Variants in LIMCH1 observed in about 807,000 individuals in gnomAD.
LIMCH1 encodes the protein LIM and calponin homology domains-containing protein 1.
LIMCH1 carries 113 observed loss-of-function variants against 176.5 expected under a neutral mutation model. That is an observed-to-expected ratio of 0.64 (90% CI 0.55 to 0.75). LIMCH1 has a LOEUF of 0.75. Among genes scored for constraint, LIMCH1 ranks in the 30% least tolerant of loss-of-function variants. The probability of loss-of-function intolerance (pLI) is 0.00; values close to 1 mark genes in which losing one functional copy is unlikely to be tolerated. For synonymous variants in LIMCH1, 619 were observed against 645.9 expected (o/e 0.96, Z 0.63); for missense variants, 1,674 against 1,814.9 (o/e 0.92, Z 1.41).
intron 1 of LIMCH1, among the ~76,000 whole-genome samples, chr4:41,432,756 G>A (rs189662376): frequency 2.6e-5 from 4 of 152,208 alleles, no homozygotes; most frequent in Non-Finnish European, 1.5e-5. Flanking sequence ...CAATGGCAAC[G>A]ATCCTTCCTG....
chr4:41,440,556 A>G (rs767302384), intron 1 of LIMCH1, among the ~76,000 whole-genome samples: 1 of 152,188 alleles, frequency 6.6e-6, no homozygotes, highest in Non-Finnish European at 1.5e-5. Flanking sequence ...TGTTTGAGAC[A>G]GAGTCTCACT....
At chr4:41,370,173 C>A (rs1226790690) in intron 1 of LIMCH1, among the ~76,000 whole-genome samples, 1 of 152,062 alleles carries the variant, frequency 6.6e-6, no homozygotes, top group East Asian at 1.9e-4. Flanking sequence ...AAACATGCCC[C>A]CAGCATTCGG....
At chr4:41,475,386 A>G (rs1015057818) in intron 1 of LIMCH1, among the ~76,000 whole-genome samples, 2 of 152,234 alleles carry the variant, frequency 1.3e-5, no homozygotes, top group African/African-American at 2.4e-5. Flanking sequence ...TATGTCATAC[A>G]GACTGTGAGT....
chr4:41,407,378 G>A (rs1399874244), intron 1 of LIMCH1, among the ~76,000 whole-genome samples: 2 of 152,258 alleles, frequency 1.3e-5, no homozygotes, highest in Middle Eastern at 3.4e-3. Context: ...ATGGGCATTT[G>A]CCACCATGCC....
intron 1 of LIMCH1, among the ~76,000 whole-genome samples, chr4:41,374,873 G>A (rs2054500877): frequency 6.6e-6 from 1 of 152,188 alleles, no homozygotes; most frequent in South Asian, 2.1e-4. Flanking sequence ...AGCGACTCCA[G>A]TCCTCAAGTT....
At chr4:41,497,187 T>TC (rs905493559) in intron 2 of LIMCH1, among the ~76,000 whole-genome samples, 1 of 152,216 alleles carries the variant, frequency 6.6e-6, no homozygotes, top group Non-Finnish European at 1.5e-5. Flanking sequence ...ATTGTTGAAT[T>TC]CTTTCTTTTG....
intron 1 of LIMCH1, among the ~76,000 whole-genome samples, chr4:41,366,826 C>T (rs2053074547): frequency 1.3e-5 from 2 of 152,170 alleles, no homozygotes; most frequent in Admixed American, 1.3e-4. Flanking sequence ...GCATCTAACC[C>T]TGATGGGATG....
rs374670677 is a variant in LIMCH1 at position 41,663,025 on chromosome 4, T to C, written c.3291+41T>C. 2.5e-6 allele frequency: 4 copies of C among 1,583,306 alleles called. No homozygotes were observed. In the African/African-American group the frequency reaches 5.4e-5, roughly 21 times the overall value. On this transcript the variant is annotated intron_variant, in intron 20 of 31. Transcript: ENST00000503057. ...GAGGAAAGCGGTTAAACCCACAAGT[T>C]AACATGGCCCCATATTACAGCTAGC... is the stretch of plus-strand genomic sequence containing the variant.
chr4:41,497,706 G>A (rs2072448374), intron 2 of LIMCH1, among the ~76,000 whole-genome samples: 1 of 151,918 alleles, frequency 6.6e-6, no homozygotes, highest in Non-Finnish European at 1.5e-5. Flanking sequence ...TCGGGAGGCT[G>A]AAGCAGGAGA....
chr4:41,684,130 T>A (rs1172626008), intron 26 of LIMCH1, among the ~76,000 whole-genome samples: 1 of 152,226 alleles, frequency 6.6e-6, no homozygotes, highest in Non-Finnish European at 1.5e-5. Context: ...AGGTTAGCTC[T>A]GGCATTCCTT....
At chr4:41,407,440 G>T (rs1286652182) in intron 1 of LIMCH1, among the ~76,000 whole-genome samples, 1 of 152,132 alleles carries the variant, frequency 6.6e-6, no homozygotes, top group Admixed American at 6.5e-5. Context: ...ATGTTGGCCA[G>T]GCTGGTCTCA....
At chr4:41,510,844 C>T (rs1026273567) in intron 2 of LIMCH1, among the ~76,000 whole-genome samples, 1 of 152,174 alleles carries the variant, frequency 6.6e-6, no homozygotes, top group Non-Finnish European at 1.5e-5. Flanking sequence ...CCACCTCGGC[C>T]TCCCAAAGTG....
chr4:41,634,341 G>C (rs78346574), intron 13 of LIMCH1, among the ~76,000 whole-genome samples: 3,296 of 152,288 alleles, frequency 0.022, 134 homozygotes, highest in African/African-American at 0.074. Flanking sequence ...GTTGAAGCCT[G>C]TCTTGCCATT....
chr4:41,593,093 G>C (rs1194263930), intron 1 of LIMCH1, among the ~76,000 whole-genome samples: 1 of 152,196 alleles, frequency 6.6e-6, no homozygotes, highest in African/African-American at 2.4e-5. Context: ...TGCCTTTGGA[G>C]TGTGAAAGGA....
At chr4:41,601,476 A>ATCCT (rs2089916790) in intron 2 of LIMCH1, among the ~76,000 whole-genome samples, 1 of 152,192 alleles carries the variant, frequency 6.6e-6, no homozygotes, top group Non-Finnish European at 1.5e-5. Context: ...GAGAAAGAGC[A>ATCCT]GGTACAAAGT....
At chr4:41,412,427 A>G (rs2154124529) in intron 1 of LIMCH1, among the ~76,000 whole-genome samples, 1 of 152,334 alleles carries the variant, frequency 6.6e-6, no homozygotes, top group African/African-American at 2.4e-5. Context: ...AGATAATCCC[A>G]GTATCTACAG....
Position 41,626,989 on chromosome 4 carries a change from AAAG to A in LIMCH1, c.1011_1013del (p.Arg337del), listed in dbSNP as rs1194300399. On this transcript the variant is annotated inframe_deletion, in exon 8 of 32. Coordinates refer to ENST00000503057, the MANE Select transcript of LIMCH1 (RefSeq NM_001330672.2). ...CAGCTCTCAAAGGGAATCTCAAAAA[AAAG>A]AAGTCTAGAATATAAAAGGTGTGCA... 1.0e-5 allele frequency: 16 copies of A among 1,534,536 alleles called. No homozygotes were observed. The highest frequency in any genetic ancestry group is 1.3e-5 in the Non-Finnish European group (15 of 1,146,792).
intron 1 of LIMCH1, among the ~76,000 whole-genome samples, chr4:41,577,195 A>G (rs1014070547): frequency 2.0e-5 from 3 of 151,520 alleles, no homozygotes; most frequent in Non-Finnish European, 4.4e-5. Context: ...AACTGAAAAT[A>G]TTAGTTGTTT....
intron 18 of LIMCH1, among the ~76,000 whole-genome samples, chr4:41,656,799 T>C (rs964481357): frequency 2.0e-5 from 3 of 152,102 alleles, no homozygotes; most frequent in Admixed American, 1.3e-4. Flanking sequence ...GGAAAGGACG[T>C]TGGACATCAC....
Sources: gnomAD v4.1 joint callset for allele counts (sites outside exome capture counted in the v4.1 genomes callset) on GRCh38, gnomAD v4.1.1 for gene constraint, MANE v1.5 for transcripts, NCBI Gene and HGNC (gene_info 2026-07-23, HGNC 2026-07-21) for gene names.